Variants in AP1S2 observed in about 807,000 individuals in gnomAD.
The protein encoded by AP1S2 is AP-1 complex subunit sigma-2.
Under a neutral mutation model 14.3 loss-of-function variants are expected in AP1S2, and 1 was observed. That is an observed-to-expected ratio of 0.07 (90% CI 0.02 to 0.33). AP1S2 has a LOEUF of 0.33. AP1S2 is among the 10% of genes least tolerant of loss of function. The probability of loss-of-function intolerance (pLI) is 0.99; values close to 1 mark genes in which losing one functional copy is unlikely to be tolerated. For missense variants in AP1S2, 30 were observed against 117.7 expected, an observed-to-expected ratio of 0.25 and a Z score of 3.45; for synonymous variants, 30 against 40.5, an observed-to-expected ratio of 0.74 and a Z score of 0.99.
chrX:15,827,287 G>A lies in AP1S2; in HGVS notation c.*38C>T. The A allele has an allele frequency of 8.7e-7, 1 of 1,143,927 alleles. No homozygotes were observed. The highest frequency in any genetic ancestry group is 1.2e-6 in the Non-Finnish European group (1 of 833,673). The allele number at this position is 1,143,927 out of a possible 1,213,427, so 94.3% of individuals were successfully genotyped here. A position where few individuals can be genotyped will look rare whatever the true frequency, so the allele number is the denominator to read the frequency against. ...TGAAGGGAGTGACCATCTACAGTGT[G>A]TGAAATGCCACAAGAAGTCATCAAC... On this transcript the variant is annotated 3_prime_UTR_variant, in exon 6 of 6. Coordinates refer to ENST00000672987, the MANE Select transcript of AP1S2 (RefSeq NM_001272071.2).
chrX:15,853,560 C>T (rs1407483750), intron 1 of AP1S2, among the ~76,000 whole-genome samples: 1 of 112,145 alleles, frequency 8.9e-6, no homozygotes, highest in Admixed American at 9.4e-5. Context: ...AAGATTCAAG[C>T]ATGATTCTCA....
intron 4 of AP1S2, among the ~76,000 whole-genome samples, chrX:15,835,415 T>G (rs1933601612): frequency 9.0e-6 from 1 of 111,615 alleles, no homozygotes; most frequent in African/African-American, 3.3e-5. Context: ...TCTGGAACCC[T>G]CTTCCTTGTG....
chrX:15,825,933 T>C lies in AP1S2; in HGVS notation c.*1392A>G, dbSNP rs1462271140. 1 of 114,199 alleles carries C rather than the reference T, an allele frequency of 8.8e-6. No individual in the cohort carries two copies. Among genetic ancestry groups the C allele is most frequent in the Non-Finnish European group, 1.8e-5 (1 of 54,532 alleles). 9.4% of individuals were successfully genotyped at this position (114,199 alleles called of 1,213,427 possible). A position where few individuals can be genotyped will look rare whatever the true frequency, so the allele number is the denominator to read the frequency against. On this transcript the variant is annotated 3_prime_UTR_variant, in exon 6 of 6. Coordinates refer to ENST00000672987, the MANE Select transcript of AP1S2 (RefSeq NM_001272071.2). ...TAGATCTTCCACCATGTATCTTGTG[T>C]GTGCTTATAACAACCACCATATTCA...
intron 2 of AP1S2, among the ~76,000 whole-genome samples, chrX:15,847,509 T>C (rs1411447204): frequency 3.6e-5 from 4 of 111,740 alleles, no homozygotes; most frequent in Admixed American, 2.9e-4. Context: ...TTATTTAAAA[T>C]GGTGGAGCTA....
intron 4 of AP1S2, chrX:15,833,347 A>G: frequency 2.3e-6 from 2 of 854,766 alleles, no homozygotes; most frequent in Non-Finnish European, 2.8e-6. Context: ...ACCCTGACAC[A>G]CCTTTTACTG....
At chrX:15,845,621 G>GTTAAGAT in intron 3 of AP1S2, 105 bp from the exon 4 acceptor site, 1 of 1,038,822 alleles carries the variant, frequency 9.6e-7, no homozygotes, top group Non-Finnish European at 1.3e-6. Context: ...TCGAACTAGA[G>GTTAAGAT]TGAATCAATC....
intron 4 of AP1S2, among the ~76,000 whole-genome samples, chrX:15,834,437 AAAATAT>A (rs1933534686): frequency 4.0e-5 from 1 of 24,922 alleles, no homozygotes; most frequent in African/African-American, 1.5e-4. Flanking sequence ...TCTCCCTTCC[AAAATAT>A]ATATATATAT....
intron 1 of AP1S2, among the ~76,000 whole-genome samples, chrX:15,853,876 A>T (rs978946059): frequency 1.8e-5 from 2 of 111,160 alleles, no homozygotes; most frequent in South Asian, 3.8e-4. Flanking sequence ...GCAGGAAGTG[A>T]AGCATCAACT....
chrX:15,843,688 G>A (rs1285824156), intron 4 of AP1S2, among the ~76,000 whole-genome samples: 2 of 111,895 alleles, frequency 1.8e-5, no homozygotes, highest in East Asian at 2.8e-4. Context: ...GAAATGCCAG[G>A]TTCTGACAGA....
intron 4 of AP1S2, among the ~76,000 whole-genome samples, chrX:15,834,649 T>G (rs1457545143): frequency 1.1e-5 from 1 of 90,423 alleles, no homozygotes; most frequent in Non-Finnish European, 2.2e-5. Flanking sequence ...CTAATTTTTG[T>G]ATTTTTTTTT....
At chrX:15,834,480 A>ATATATATATATAT (rs1483118039) in intron 4 of AP1S2, among the ~76,000 whole-genome samples, 110 of 20,264 alleles carry the variant, frequency 5.4e-3, no homozygotes, top group Admixed American at 6.3e-3. Context: ...ATATATATAT[A>ATATATATATATAT]ATTTTTTTTT....
At chrX:15,854,579 G>T (rs1934280174) in intron 1 of AP1S2, 109 bp downstream of exon 1, 2 of 251,617 alleles carry the variant, frequency 7.9e-6, no homozygotes, top group Non-Finnish European at 1.1e-5. Flanking sequence ...GGGCCGGGCA[G>T]GCTCGGGGTG....
At chrX:15,845,310 A>G in intron 4 of AP1S2, 69 bp downstream of exon 4, 1 of 1,200,573 alleles carries the variant, frequency 8.3e-7, no homozygotes, top group Non-Finnish European at 1.1e-6. Flanking sequence ...AACTGTAAGA[A>G]TGATGAATGA....
intron 2 of AP1S2, among the ~76,000 whole-genome samples, chrX:15,850,518 A>ATT (rs11355576): frequency 1.0e-5 from 1 of 96,081 alleles, no homozygotes. Context: ...CGCCCAGCTA[A>ATT]TTTTTTTTTT....
intron 4 of AP1S2, among the ~76,000 whole-genome samples, chrX:15,843,279 G>C (rs1933897167): frequency 8.9e-6 from 1 of 111,859 alleles, no homozygotes; most frequent in Non-Finnish European, 1.9e-5. Flanking sequence ...GGCACAGCTG[G>C]GTGCAGTGGC....
At chrX:15,850,408 G>T (rs760308801) in intron 2 of AP1S2, among the ~76,000 whole-genome samples, 8 of 110,783 alleles carry the variant, frequency 7.2e-5, no homozygotes, top group Non-Finnish European at 1.3e-4. Flanking sequence ...CTGGAGTGCA[G>T]TGGCCCAATC....
chrX:15,841,181 C>G lies in AP1S2; in HGVS notation c.426+4198G>C, dbSNP rs745450350. The stretch of plus-strand genomic sequence containing the variant: ...CCCTATTTGGCTATAAAATGAAGGA[C>G]TACCTTAAACTATGTGTTTATACAA... On this transcript the variant is annotated intron_variant, in intron 4 of 5. Transcript: ENST00000672987. 4.5e-5 allele frequency among the ~76,000 whole-genome samples: 5 copies of G among 111,605 alleles called. No individual in the cohort carries two copies. The South Asian group carries it at 1.9e-3, about 42-fold the overall frequency.
At chrX:15,847,925 C>T (rs1035313964) in intron 2 of AP1S2, among the ~76,000 whole-genome samples, 2 of 111,979 alleles carry the variant, frequency 1.8e-5, no homozygotes, top group South Asian at 3.7e-4. Flanking sequence ...AAGATTTCCT[C>T]ATGCTACTAT....
chrX:15,852,083 T>C (rs1284071020), intron 2 of AP1S2, among the ~76,000 whole-genome samples: 1 of 112,541 alleles, frequency 8.9e-6, no homozygotes, highest in Non-Finnish European at 1.9e-5. Context: ...AACTCTTCTA[T>C]AAAGATGATT....
Sources: gnomAD v4.1 joint callset for allele counts (sites outside exome capture counted in the v4.1 genomes callset) on GRCh38, gnomAD v4.1.1 for gene constraint, MANE v1.5 for transcripts, NCBI Gene and HGNC (gene_info 2026-07-23, HGNC 2026-07-21) for gene names.